PTPRG: variants seen among roughly 807,000 people sequenced by gnomAD.
The protein encoded by PTPRG is protein tyrosine phosphatase receptor type G.
Under a neutral mutation model 165.3 loss-of-function variants are expected in PTPRG, and 102 were observed. That is an observed-to-expected ratio of 0.62 (90% confidence interval 0.53 to 0.73). The LOEUF is 0.73. Among genes scored for constraint, PTPRG ranks in the 30% least tolerant of loss-of-function variants. The probability of loss-of-function intolerance (pLI) is 0.00; values close to 1 mark genes in which losing one functional copy is unlikely to be tolerated. For synonymous variants in PTPRG, 675 were observed against 669.5 expected (o/e 1.01, Z -0.13); for missense variants, 1,866 against 1,861.4 (o/e 1.00, Z -0.05).
Position 62,252,076 on chromosome 3 carries a change from CTT to C in PTPRG, c.2468-3046_2468-3045del, listed in dbSNP as rs1378629617. On this transcript the variant is annotated intron_variant, in intron 15 of 29. Coordinates refer to ENST00000474889, the MANE Select transcript of PTPRG (RefSeq NM_002841.4). This position sits in a 1 kb window ranked among gnomAD's most constrained non-coding sequence, Gnocchi z 4.6. ...TCTGTTGTCAGTGAAAACATCTTCA[CTT>C]TGATTCCAGCCCCTTTTTTCCTTTA... is the stretch of plus-strand genomic sequence containing the variant. 6.6e-6 allele frequency among the ~76,000 whole-genome samples: 1 copy of C among 152,170 alleles called. No homozygotes were observed. The highest frequency in any genetic ancestry group is 1.5e-5 in the Non-Finnish European group (1 of 68,016).
intron 2 of PTPRG, among the ~76,000 whole-genome samples, chr3:61,887,172 T>TATATATATA (rs1559670290): frequency 6.7e-5 from 7 of 105,080 alleles, no homozygotes; most frequent in Non-Finnish European, 1.2e-4. Context: ...ATATATATAT[T>TATATATATA]TTTAATGCCA....
chr3:62,265,849 C>T (rs1701848837), intron 17 of PTPRG, among the ~76,000 whole-genome samples: 1 of 107,212 alleles, frequency 9.3e-6, no homozygotes, highest in South Asian at 3.0e-4. Flanking sequence ...TACATACATA[C>T]ACACACACAC....
rs915137044 is a variant in PTPRG, at chr3:62,213,787, G to A, written c.2156-5064G>A. 6.6e-6 allele frequency among the ~76,000 whole-genome samples: 1 copy of A among 152,172 alleles called. No individual in the cohort carries two copies. The highest frequency in any genetic ancestry group is 1.5e-5 in the Non-Finnish European group (1 of 68,020). On this transcript the variant is annotated intron_variant, in intron 12 of 29. Coordinates refer to ENST00000474889, the MANE Select transcript of PTPRG (RefSeq NM_002841.4). This position sits in a 1 kb window ranked among gnomAD's most constrained non-coding sequence, Gnocchi z 4.4. ...TCTGAGGGCATATAATGATATGGGT[G>A]TATACTCAGGGCCACATTTTGTGTG... is the stretch of plus-strand genomic sequence containing the variant.
chr3:62,279,114 G>T (rs1214600659), intron 26 of PTPRG, among the ~76,000 whole-genome samples: 1 of 151,992 alleles, frequency 6.6e-6, no homozygotes, highest in Non-Finnish European at 1.5e-5. Flanking sequence ...TCATTGCACA[G>T]TTTTTCCTAA....
At chr3:61,910,106 A>G (rs991265772) in intron 2 of PTPRG, among the ~76,000 whole-genome samples, 4 of 152,126 alleles carry the variant, frequency 2.6e-5, no homozygotes, top group Non-Finnish European at 5.9e-5. Context: ...TTATGCTGTT[A>G]TGCATTTTAA....
At chr3:61,592,698 C>T (rs1454336815) in intron 1 of PTPRG, among the ~76,000 whole-genome samples, 3 of 141,676 alleles carry the variant, frequency 2.1e-5, no homozygotes, top group Non-Finnish European at 4.5e-5. Context: ...CTTGTGGACT[C>T]TCTCAATATT....
intron 2 of PTPRG, among the ~76,000 whole-genome samples, chr3:61,939,655 A>G (rs1275573474): frequency 1.3e-5 from 2 of 152,188 alleles, no homozygotes; most frequent in African/African-American, 4.8e-5. Flanking sequence ...ATTTAACTTT[A>G]TTCTCCTGCA....
At chr3:62,182,394 A>G (rs1705691443) in intron 8 of PTPRG, among the ~76,000 whole-genome samples, 1 of 152,226 alleles carries the variant, frequency 6.6e-6, no homozygotes, top group South Asian at 2.1e-4. Flanking sequence ...AGGAAATGCT[A>G]CATTTTTGTT....
intron 1 of PTPRG, among the ~76,000 whole-genome samples, chr3:61,673,933 G>A (rs1034069473): frequency 1.3e-5 from 2 of 148,508 alleles, no homozygotes; most frequent in African/African-American, 5.0e-5. Context: ...GCAAACTCAG[G>A]AACAGAAAAC....
chr3:62,086,933 T>G (rs944387213), intron 5 of PTPRG, among the ~76,000 whole-genome samples: 4 of 152,250 alleles, frequency 2.6e-5, no homozygotes, highest in African/African-American at 9.6e-5. Flanking sequence ...AGAGGACTAT[T>G]TAATTATTGG....
chr3:61,702,805 C>A (rs150082467), intron 1 of PTPRG, among the ~76,000 whole-genome samples: 1 of 152,194 alleles, frequency 6.6e-6, no homozygotes, highest in African/African-American at 2.4e-5. Flanking sequence ...GAAATTCACA[C>A]GTGATGTTGT....
intron 6 of PTPRG, among the ~76,000 whole-genome samples, chr3:62,136,154 C>A (rs1703701255): frequency 6.6e-6 from 1 of 152,170 alleles, no homozygotes; most frequent in Non-Finnish European, 1.5e-5. Flanking sequence ...GAGATTCTTA[C>A]AAACAGTCCT....
rs952791349 is a variant in PTPRG at position 62,219,132 on chromosome 3, T to G, written c.2288+149T>G. On this transcript the variant is annotated intron_variant, in intron 13 of 29. Coordinates refer to ENST00000474889, the MANE Select transcript of PTPRG (RefSeq NM_002841.4). The surrounding 1 kb of genome is among the most constrained non-coding windows in gnomAD (Gnocchi z 4.5). Reference sequence around the variant, plus strand: ...TTGCCACCCGGAAGGCCATCTTGTCTCTGTTAGATGATGGCAGGGCCAGAT... The same window carrying G: ...TTGCCACCCGGAAGGCCATCTTGTCGCTGTTAGATGATGGCAGGGCCAGAT... 1 of 1,095,954 alleles carries G rather than the reference T, an allele frequency of 9.1e-7. No homozygotes were observed. The highest frequency in any genetic ancestry group is 1.6e-5 in the African/African-American group (1 of 63,432). 67.9% of individuals were successfully genotyped at this position (1,095,954 alleles called of 1,614,324 possible).
At chr3:61,941,037 AC>A (rs1288942328) in intron 2 of PTPRG, among the ~76,000 whole-genome samples, 1 of 152,192 alleles carries the variant, frequency 6.6e-6, no homozygotes, top group Non-Finnish European at 1.5e-5. Context: ...AGCAGCCATT[AC>A]TTATTGACTC....
chr3:61,700,641 T>C (rs537599912), intron 1 of PTPRG, among the ~76,000 whole-genome samples: 11 of 152,194 alleles, frequency 7.2e-5, no homozygotes, highest in Non-Finnish European at 1.2e-4. Context: ...CTTGACTGTT[T>C]TGGGAGGCTC....
intron 4 of PTPRG, among the ~76,000 whole-genome samples, chr3:62,013,855 C>T (rs1371557495): frequency 2.0e-5 from 3 of 151,302 alleles, no homozygotes; most frequent in African/African-American, 7.3e-5. Context: ...GTTCCTGGAG[C>T]TTTGAACACT....
rs1559673158 is a variant in PTPRG, at chr3:62,222,334, G to A, written c.2288+3351G>A. ...TGTTTCTCTTGCCGTCAGTTTCTGGGATTTGCTGTCTGTGTGGTCTTCTCG... is the reference window on the plus strand; with the variant it reads ...TGTTTCTCTTGCCGTCAGTTTCTGGAATTTGCTGTCTGTGTGGTCTTCTCG... On this transcript the variant is annotated intron_variant, in intron 13 of 29. Coordinates refer to ENST00000474889, the MANE Select transcript of PTPRG (RefSeq NM_002841.4). This position sits in a 1 kb window ranked among gnomAD's most constrained non-coding sequence, Gnocchi z 4.5. Among the ~76,000 whole-genome samples the A allele has an allele frequency of 6.6e-6, 1 of 152,214 alleles. No individual in the cohort carries two copies. Among genetic ancestry groups the A allele is most frequent in the Non-Finnish European group, 1.5e-5 (1 of 68,036 alleles).
At chr3:61,678,288 G>A (rs557061272) in intron 1 of PTPRG, among the ~76,000 whole-genome samples, 5 of 152,272 alleles carry the variant, frequency 3.3e-5, no homozygotes, top group South Asian at 4.1e-4. Context: ...GGGGTAGCCC[G>A]ACGGGTTTAA....
intron 1 of PTPRG, among the ~76,000 whole-genome samples, chr3:61,665,166 C>G (rs1008280487): frequency 6.6e-6 from 1 of 152,176 alleles, no homozygotes; most frequent in African/African-American, 2.4e-5. Context: ...CTAATCTTCA[C>G]CACACAAGCT....
Sources: gnomAD v4.1 joint callset for allele counts (sites outside exome capture counted in the v4.1 genomes callset) on GRCh38, gnomAD v4.1.1 for gene constraint, Gnocchi (gnomAD v3.1) non-coding constraint, MANE v1.5 for transcripts, NCBI Gene and HGNC (gene_info 2026-07-23, HGNC 2026-07-21) for gene names.